The following PTPRD variants were observed in gnomAD, a reference collection of about 807,000 sequenced individuals.
PTPRD encodes protein tyrosine phosphatase receptor type D, also known as receptor-type tyrosine-protein phosphatase delta.
Under a neutral mutation model 214.5 loss-of-function variants are expected in PTPRD, and 34 were observed. That is an observed-to-expected ratio of 0.16 (90% CI 0.12 to 0.21). The LOEUF (loss-of-function observed/expected upper bound fraction) is 0.21, where lower values mean the gene tolerates loss of function less well. Ranked by LOEUF, PTPRD falls within the 10% of genes least tolerant of loss-of-function variation. The pLI is 1.00. For missense variants in PTPRD, 2,545 were observed against 2,398.7 expected (o/e 1.06, Z -1.27); for synonymous variants, 1,128 against 845.7 (o/e 1.33, Z -5.79).
chr9:9,579,569 CT>C (rs1274425211), intron 7 of PTPRD, among the ~76,000 whole-genome samples: 1 of 151,952 alleles, frequency 6.6e-6, no homozygotes, highest in Non-Finnish European at 1.5e-5. Context: ...TCTTTTTTCC[CT>C]AATCCTCCCC....
chr9:10,000,324 A>G (rs1567012631), intron 4 of PTPRD, among the ~76,000 whole-genome samples: 2 of 152,192 alleles, frequency 1.3e-5, no homozygotes, highest in Non-Finnish European at 2.9e-5. Flanking sequence ...TTTAATACTC[A>G]TAATCCAACC....
intron 5 of PTPRD, among the ~76,000 whole-genome samples, chr9:9,917,871 T>A (rs1384729184): frequency 2.0e-5 from 3 of 151,920 alleles, no homozygotes; most frequent in Admixed American, 6.6e-5. Flanking sequence ...GACACTAACA[T>A]CCTTTAATGA....
intron 3 of PTPRD, among the ~76,000 whole-genome samples, chr9:10,211,308 T>A (rs1161642157): frequency 6.6e-6 from 1 of 152,156 alleles, no homozygotes; most frequent in Non-Finnish European, 1.5e-5. Flanking sequence ...ATAATGCATC[T>A]TCAAGGGCAA....
At chr9:8,898,412 G>T (rs2098638067) in intron 11 of PTPRD, among the ~76,000 whole-genome samples, 1 of 152,108 alleles carries the variant, frequency 6.6e-6, no homozygotes, top group African/African-American at 2.4e-5. Context: ...CCCATCCCAG[G>T]TAGCCTGACT....
chr9:10,436,916 A>C (rs2098722150), intron 2 of PTPRD, among the ~76,000 whole-genome samples: 1 of 151,764 alleles, frequency 6.6e-6, no homozygotes, highest in South Asian at 2.1e-4. Flanking sequence ...ATATGTACTA[A>C]ATGTAGATGC....
intron 5 of PTPRD, among the ~76,000 whole-genome samples, chr9:9,776,296 C>T (rs1204444900): frequency 6.6e-6 from 1 of 152,168 alleles, no homozygotes; most frequent in East Asian, 1.9e-4. Flanking sequence ...TAAGTTCATA[C>T]CATCCCCCTT....
intron 3 of PTPRD, among the ~76,000 whole-genome samples, chr9:10,139,871 C>A (rs763454223): frequency 6.6e-6 from 1 of 152,222 alleles, no homozygotes; most frequent in Non-Finnish European, 1.5e-5. Flanking sequence ...CTATCTATCA[C>A]CATACATAAA....
intron 7 of PTPRD, among the ~76,000 whole-genome samples, chr9:9,594,584 G>C (rs1400532882): frequency 6.6e-6 from 1 of 152,042 alleles, no homozygotes; most frequent in Non-Finnish European, 1.5e-5. Context: ...TTGGCTGTAA[G>C]TATTTGGGTT....
intron 4 of PTPRD, among the ~76,000 whole-genome samples, chr9:9,999,982 G>A (rs983749964): frequency 1.3e-5 from 2 of 152,262 alleles, no homozygotes; most frequent in Non-Finnish European, 2.9e-5. Context: ...TGTTGTAAGA[G>A]GGTCTGTGAA....
At chr9:9,040,086 T>C (rs10816037) in intron 10 of PTPRD, among the ~76,000 whole-genome samples, 1 of 152,056 alleles carries the variant, frequency 6.6e-6, no homozygotes, top group Non-Finnish European at 1.5e-5. Flanking sequence ...GGATCTACTC[T>C]GTGCTAGGCT....
intron 3 of PTPRD, among the ~76,000 whole-genome samples, chr9:10,152,822 C>T (rs532487411): frequency 6.6e-6 from 1 of 152,240 alleles, no homozygotes; most frequent in South Asian, 2.1e-4. Flanking sequence ...TGAACTCCCC[C>T]CCTACCCTCC....
chr9:10,472,852 T>C (rs919812963), intron 2 of PTPRD, among the ~76,000 whole-genome samples: 13 of 151,976 alleles, frequency 8.6e-5, no homozygotes, highest in African/African-American at 2.4e-4. Context: ...TCAAGTTATT[T>C]AAAAATATTT....
At chr9:8,806,073 A>C (rs2096672875) in intron 11 of PTPRD, among the ~76,000 whole-genome samples, 2 of 150,796 alleles carry the variant, frequency 1.3e-5, no homozygotes, top group Non-Finnish European at 3.0e-5. Context: ...ACAGGTGACC[A>C]CCACTATGCC....
At chr9:9,432,779 C>G (rs2083713273) in intron 8 of PTPRD, among the ~76,000 whole-genome samples, 1 of 152,152 alleles carries the variant, frequency 6.6e-6, no homozygotes, top group Non-Finnish European at 1.5e-5. Flanking sequence ...AATAAGCCCT[C>G]AAACATTTCA....
chr9:9,859,979 T>TAAC (rs1555229207), intron 5 of PTPRD, among the ~76,000 whole-genome samples: 4 of 152,174 alleles, frequency 2.6e-5, no homozygotes, highest in African/African-American at 2.4e-5. Flanking sequence ...ACAAGATCTC[T>TAAC]AACAACAACA....
chr9:8,380,792 A>G (rs1404103717), intron 37 of PTPRD, among the ~76,000 whole-genome samples: 3 of 152,126 alleles, frequency 2.0e-5, no homozygotes, highest in Non-Finnish European at 4.4e-5. Context: ...TTACTCCCAT[A>G]TGGCTTACCT....
chr9:9,096,281 T>A (rs537296818), intron 10 of PTPRD, among the ~76,000 whole-genome samples: 3 of 152,322 alleles, frequency 2.0e-5, no homozygotes, highest in Admixed American at 6.5e-5. Context: ...TTTGCTTCAA[T>A]ATAGTAATCT....
intron 14 of PTPRD, among the ~76,000 whole-genome samples, chr9:8,574,500 A>C (rs1298116650): frequency 6.6e-6 from 1 of 152,062 alleles, no homozygotes; most frequent in Non-Finnish European, 1.5e-5. Context: ...ATGTCCATTA[A>C]AGCACTGTAT....
intron 3 of PTPRD, among the ~76,000 whole-genome samples, chr9:10,238,907 T>C (rs1398229519): frequency 1.3e-5 from 2 of 151,912 alleles, no homozygotes; most frequent in East Asian, 1.9e-4. Context: ...GGAGGCAGTA[T>C]GTTTTGTTTG....
Sources: allele counts gnomAD v4.1 joint callset (sites outside exome capture counted in the v4.1 genomes callset), GRCh38; gene constraint gnomAD v4.1.1; transcripts MANE v1.5; gene names NCBI Gene and HGNC (gene_info 2026-07-23, HGNC 2026-07-21).